Variants in CAMKMT observed in about 807,000 individuals in gnomAD.
CAMKMT encodes the protein CaM KMT.
CAMKMT carries 53 observed loss-of-function variants against 48.0 expected under a neutral mutation model. The observed-to-expected ratio is 1.10, with a 90% confidence interval of 0.89 to 1.39. CAMKMT has a LOEUF of 1.39. Among genes scored for constraint, CAMKMT ranks in the 40% most tolerant of loss-of-function variants. The probability of loss-of-function intolerance (pLI) is 0.00; values close to 1 mark genes in which losing one functional copy is unlikely to be tolerated. For missense variants in CAMKMT, 428 were observed against 402.7 expected, an observed-to-expected ratio of 1.06 and a Z score of -0.54; for synonymous variants, 165 against 152.3, an observed-to-expected ratio of 1.08 and a Z score of -0.61.
At chr2:44,641,712 C>A (rs950412420) in intron 3 of CAMKMT, among the ~76,000 whole-genome samples, 3 of 96,538 alleles carry the variant, frequency 3.1e-5, no homozygotes, top group African/African-American at 9.5e-5. Flanking sequence ...TGCATGTCAC[C>A]AAACCAAAAT....
intron 3 of CAMKMT, among the ~76,000 whole-genome samples, chr2:44,569,429 CTTTT>C (rs1176508753): frequency 6.6e-6 from 1 of 152,054 alleles, no homozygotes; most frequent in Non-Finnish European, 1.5e-5. Context: ...AAATCATTTT[CTTTT>C]TTTATTTTAA....
rs1676301248 is a variant in CAMKMT, at chr2:44,685,766, T to C, written c.377-18517T>C. On this transcript the variant is annotated intron_variant, in intron 3 of 10. Coordinates refer to ENST00000378494, the MANE Select transcript of CAMKMT (RefSeq NM_024766.5). ...CACACTGTGATATGAAAGTATTAATTGAATAGGAGCAATCAGCATTTCTAT... is the reference window on the plus strand; with the variant it reads ...CACACTGTGATATGAAAGTATTAATCGAATAGGAGCAATCAGCATTTCTAT... 1.3e-5 allele frequency among the ~76,000 whole-genome samples: 2 copies of C among 152,156 alleles called. 1 individual carries two copies. Among genetic ancestry groups the C allele is most frequent in the South Asian group, 4.1e-4 (2 of 4,822 alleles).
intron 9 of CAMKMT, among the ~76,000 whole-genome samples, chr2:44,755,407 CATTTGCAAGA>C (rs1223777830): frequency 6.6e-6 from 1 of 152,076 alleles, no homozygotes; most frequent in Non-Finnish European, 1.5e-5. Flanking sequence ...TTCTTGTGGG[CATTTGCAAGA>C]CTAGGATTTT....
intron 8 of CAMKMT, among the ~76,000 whole-genome samples, chr2:44,748,819 G>A (rs1321075757): frequency 1.3e-5 from 2 of 152,204 alleles, no homozygotes; most frequent in Non-Finnish European, 2.9e-5. Flanking sequence ...GGAGCTTGCA[G>A]TGAGCCAAGA....
At chr2:44,451,578 G>C (rs1028076593) in intron 3 of CAMKMT, among the ~76,000 whole-genome samples, 1 of 151,916 alleles carries the variant, frequency 6.6e-6, no homozygotes, top group Non-Finnish European at 1.5e-5. Context: ...TCATTTATGA[G>C]AATCTGGCTG....
chr2:44,585,562 A>T (rs1329818646), intron 3 of CAMKMT, among the ~76,000 whole-genome samples: 1 of 152,218 alleles, frequency 6.6e-6, no homozygotes, highest in Non-Finnish European at 1.5e-5. Context: ...TTTCTGTGTC[A>T]TGCATAAATA....
chr2:44,471,528 A>C (rs1668418488), intron 3 of CAMKMT, among the ~76,000 whole-genome samples: 1 of 151,870 alleles, frequency 6.6e-6, no homozygotes, highest in South Asian at 2.1e-4. Context: ...TGAGTCAAGG[A>C]GGTGGAGGCT....
In CAMKMT at chr2:44,436,373, G is replaced by C. The variant is rs184963768; in HGVS notation, c.376+46068G>C. 1.3e-3 allele frequency among the ~76,000 whole-genome samples: 194 copies of C among 152,052 alleles called. 1 individual carries two copies. The highest frequency in any genetic ancestry group is 4.6e-3 in the African/African-American group (192 of 41,498). On this transcript the variant is annotated intron_variant, in intron 3 of 10. Coordinates refer to ENST00000378494, the MANE Select transcript of CAMKMT (RefSeq NM_024766.5). ...GATTATAGGTATGAGCCCCTGGTCC[G>C]GCCAAACTCAATTCTCACTTCAGAG...
At chr2:44,641,469 T>C (rs1037401906) in intron 3 of CAMKMT, among the ~76,000 whole-genome samples, 11 of 151,914 alleles carry the variant, frequency 7.2e-5, no homozygotes, top group African/African-American at 2.4e-4. Flanking sequence ...CCTAAGGCAG[T>C]AGACTCAAAC....
chr2:44,656,108 T>A (rs1674362593), intron 3 of CAMKMT, among the ~76,000 whole-genome samples: 1 of 152,226 alleles, frequency 6.6e-6, no homozygotes, highest in Non-Finnish European at 1.5e-5. Flanking sequence ...AAGTAAAGAT[T>A]ATGTTTTGTG....
intron 3 of CAMKMT, among the ~76,000 whole-genome samples, chr2:44,427,924 A>C (rs1684386540): frequency 6.6e-6 from 1 of 152,178 alleles, no homozygotes. Context: ...GGGAGCATAC[A>C]GGTGAGGGGG....
chr2:44,503,087 C>CA (rs1162262763), intron 3 of CAMKMT, among the ~76,000 whole-genome samples: 2 of 151,880 alleles, frequency 1.3e-5, no homozygotes, highest in African/African-American at 2.4e-5. Context: ...AAAAATGCAA[C>CA]AAAAAACTAA....
rs1277492307 is a variant in CAMKMT, at chr2:44,653,406, C to T, written c.377-50877C>T. The stretch of plus-strand genomic sequence containing the variant: ...GTAAAAATCAACCAAAAGAGAATCG[C>T]AGACTTTTAGAATTGGAAGGAACAT... On this transcript the variant is annotated intron_variant, in intron 3 of 10. Coordinates refer to ENST00000378494, the MANE Select transcript of CAMKMT (RefSeq NM_024766.5). The surrounding 1 kb of genome is among the most constrained non-coding windows in gnomAD (Gnocchi z 5.2). Among the ~76,000 whole-genome samples, 1 of 152,148 alleles carries T rather than the reference C, an allele frequency of 6.6e-6. No individual in the cohort carries two copies. The highest frequency in any genetic ancestry group is 2.4e-5 in the African/African-American group (1 of 41,428).
chr2:44,408,188 G>C (rs1002129351), intron 3 of CAMKMT, among the ~76,000 whole-genome samples: 1 of 151,964 alleles, frequency 6.6e-6, no homozygotes, highest in Non-Finnish European at 1.5e-5. Flanking sequence ...ACCACGTCCA[G>C]CTAATTTTTG....
chr2:44,727,756 G>A (rs1474054940), intron 7 of CAMKMT, among the ~76,000 whole-genome samples: 1 of 152,080 alleles, frequency 6.6e-6, no homozygotes, highest in African/African-American at 2.4e-5. Context: ...GTCATAGATG[G>A]CTCTTATTAT....
chr2:44,673,441 AAGAG>A (rs1175250795), intron 3 of CAMKMT, among the ~76,000 whole-genome samples: 20 of 147,176 alleles, frequency 1.4e-4, no homozygotes, highest in Admixed American at 4.8e-4. Flanking sequence ...AAAAAAAAAA[AAGAG>A]AGAGAGAAAG....
intron 3 of CAMKMT, among the ~76,000 whole-genome samples, chr2:44,483,714 A>G (rs1330403523): frequency 6.6e-6 from 1 of 152,172 alleles, no homozygotes; most frequent in Non-Finnish European, 1.5e-5. Context: ...ATGAGTAATT[A>G]TTCATTTTGA....
At chr2:44,661,294 A>T (rs956731810) in intron 3 of CAMKMT, among the ~76,000 whole-genome samples, 1 of 149,934 alleles carries the variant, frequency 6.7e-6, no homozygotes, top group African/African-American at 2.5e-5. Flanking sequence ...TAATAACAAC[A>T]ATGGTTGTGA....
chr2:44,362,183 T>C, intron 1 of CAMKMT, 38 bp downstream of exon 1: 3 of 1,421,388 alleles, frequency 2.1e-6, no homozygotes, highest in Admixed American at 3.5e-5. Context: ...TTGCCTCTGG[T>C]CACTCCTCTC....
Sources: gnomAD v4.1 joint callset for allele counts (sites outside exome capture counted in the v4.1 genomes callset) on GRCh38, gnomAD v4.1.1 for gene constraint, Gnocchi (gnomAD v3.1) non-coding constraint, MANE v1.5 for transcripts, NCBI Gene and HGNC (gene_info 2026-07-23, HGNC 2026-07-21) for gene names.